Variants in GLI3 observed in about 807,000 individuals in gnomAD.
GLI3 encodes transcription activator GLI3.
GLI3 carries 20 observed loss-of-function variants against 100.8 expected under a neutral mutation model. The observed-to-expected ratio is 0.20, with a 90% CI of 0.14 to 0.29. The LOEUF is 0.29. Among genes scored for constraint, GLI3 ranks in the 10% least tolerant of loss-of-function variants. The pLI is 1.00. For missense variants in GLI3, 2,040 were observed against 2,128.5 expected, an observed-to-expected ratio of 0.96 and a Z score of 0.82; for synonymous variants, 938 against 860.5, an observed-to-expected ratio of 1.09 and a Z score of -1.58.
At chr7:42,076,660 GC>G (rs1784884026) in intron 4 of GLI3, 91 bp downstream of exon 4, 1 of 820,686 alleles carries the variant, frequency 1.2e-6, no homozygotes, top group African/African-American at 1.7e-5. Context: ...CATCTTCAAA[GC>G]CCAGTGGACA....
chr7:42,038,397 A>G (rs1583499566), intron 7 of GLI3, among the ~76,000 whole-genome samples: 1 of 152,246 alleles, frequency 6.6e-6, no homozygotes, highest in Admixed American at 6.5e-5. Context: ...CAGCTTTAGT[A>G]AAATGTGCAT....
chr7:42,222,902 T>A (rs1024434804), intron 2 of GLI3: 8 of 522,542 alleles, frequency 1.5e-5, no homozygotes, highest in Non-Finnish European at 2.1e-5. Flanking sequence ...CCTATCACAT[T>A]TACATCTCAA....
intron 1 of GLI3, among the ~76,000 whole-genome samples, chr7:42,232,706 G>C (rs184181591): frequency 1.3e-5 from 2 of 152,326 alleles, no homozygotes; most frequent in Admixed American, 6.5e-5. Flanking sequence ...ATATATGAGA[G>C]TACAACTATA....
intron 10 of GLI3, among the ~76,000 whole-genome samples, chr7:41,996,807 G>C (rs190799173): frequency 3.5e-4 from 54 of 152,238 alleles, no homozygotes; most frequent in African/African-American, 1.2e-3. Flanking sequence ...TTTTATGCAT[G>C]CTTGGGGGAA....
chr7:42,050,219 C>G (rs1338695590), intron 4 of GLI3, among the ~76,000 whole-genome samples: 1 of 152,058 alleles, frequency 6.6e-6, no homozygotes, highest in Non-Finnish European at 1.5e-5. Flanking sequence ...TTAGATGCTA[C>G]TTTGGGAAAG....
At chr7:41,974,386 A>G (rs546758833) in intron 12 of GLI3, among the ~76,000 whole-genome samples, 71 of 152,322 alleles carry the variant, frequency 4.7e-4, no homozygotes, top group African/African-American at 1.6e-3. Flanking sequence ...TAACATAAAC[A>G]AAATATATTA....
At chr7:42,131,212 T>C (rs1410461791) in intron 3 of GLI3, among the ~76,000 whole-genome samples, 1 of 152,170 alleles carries the variant, frequency 6.6e-6, no homozygotes, top group African/African-American at 2.4e-5. Context: ...CACAAAGGGA[T>C]GTCTAGAGAT....
intron 2 of GLI3, among the ~76,000 whole-genome samples, chr7:42,149,764 C>T (rs1444113817): frequency 6.6e-6 from 1 of 152,142 alleles, no homozygotes; most frequent in Non-Finnish European, 1.5e-5. Flanking sequence ...AATTTATCTT[C>T]AAAATAATCC....
intron 6 of GLI3, among the ~76,000 whole-genome samples, chr7:42,042,347 T>C (rs1489021661): frequency 6.6e-6 from 1 of 152,192 alleles, no homozygotes; most frequent in African/African-American, 2.4e-5. Flanking sequence ...ATCAGCATCT[T>C]ACTTTTATAA....
At chr7:42,253,183 G>A (rs1789051132) in intron 1 of GLI3, among the ~76,000 whole-genome samples, 1 of 152,208 alleles carries the variant, frequency 6.6e-6, no homozygotes, top group South Asian at 2.1e-4. Flanking sequence ...TGTGAAGAAA[G>A]AGTTTCCTGC....
intron 2 of GLI3, among the ~76,000 whole-genome samples, chr7:42,210,315 C>T (rs1337498763): frequency 6.7e-6 from 1 of 149,250 alleles, no homozygotes. Context: ...CATATAATCC[C>T]TCACTTCTAT....
At chr7:41,983,843 T>A in intron 10 of GLI3, among the ~76,000 whole-genome samples, 1 of 152,174 alleles carries the variant, frequency 6.6e-6, no homozygotes, top group Non-Finnish European at 1.5e-5. Flanking sequence ...AGTTTTCCAA[T>A]TGGGGCTCCA....
chr7:42,220,246 A>G (rs1164453154), intron 2 of GLI3, among the ~76,000 whole-genome samples: 1 of 152,244 alleles, frequency 6.6e-6, no homozygotes, highest in Non-Finnish European at 1.5e-5. Flanking sequence ...AACAGTAGCA[A>G]TCAAACTACC....
At chr7:42,150,481 C>T (rs1786828683) in intron 2 of GLI3, among the ~76,000 whole-genome samples, 1 of 152,146 alleles carries the variant, frequency 6.6e-6, no homozygotes, top group Non-Finnish European at 1.5e-5. Flanking sequence ...CTACAAATGG[C>T]CCAAGTCATA....
intron 7 of GLI3, 136 bp from the exon 8 acceptor site, chr7:42,026,548 C>T: frequency 2.7e-6 from 2 of 737,814 alleles, no homozygotes; most frequent in Non-Finnish European, 4.8e-6. Context: ...AGGATTATTG[C>T]CAAGCATCTT....
chr7:41,994,218 T>C (rs928375292), intron 10 of GLI3, among the ~76,000 whole-genome samples: 1 of 152,220 alleles, frequency 6.6e-6, no homozygotes, highest in African/African-American at 2.4e-5. Flanking sequence ...AGCTGCACTC[T>C]ATCTCACTGG....
chr7:42,155,376 T>C (rs1583605768), intron 2 of GLI3, among the ~76,000 whole-genome samples: 1 of 151,220 alleles, frequency 6.6e-6, no homozygotes, highest in Non-Finnish European at 1.5e-5. Flanking sequence ...GAGGCGGAGG[T>C]TGCAGTGAGC....
chr7:42,160,092 A>G (rs1374827166), intron 2 of GLI3, among the ~76,000 whole-genome samples: 1 of 152,228 alleles, frequency 6.6e-6, no homozygotes, highest in Non-Finnish European at 1.5e-5. Flanking sequence ...AAAGGCAGAT[A>G]GTAAAACTTG....
chr7:41,964,810 G>C lies in GLI3; in HGVS notation c.4263C>G (p.Ile1421Met). 6.2e-7 allele frequency: 1 copy of C among 1,613,964 alleles called. No homozygotes were observed. The highest frequency in any genetic ancestry group is 8.5e-7 in the Non-Finnish European group (1 of 1,179,988). Residue 1421 changes from isoleucine (I) to methionine (M), a missense_variant, in exon 15 of 15, where the codon ATC becomes ATG. Around this residue, in one of 5 missense-constraint regions of GLI3, gnomAD observed 1,041 missense variants for 924.0 expected, o/e 1.13. Coordinates refer to ENST00000395925, the MANE Select transcript of GLI3 (RefSeq NM_000168.6). The stretch of plus-strand genomic sequence containing the variant: ...GGGGCTGCCCTTTCATCTCCATCTT[G>C]ATACCATTCACCCTGCAGGTCTGAC... ...DTSQTCRVNG[I>M]KMEMKGQPHP...
Sources: gnomAD v4.1 joint callset for allele counts (sites outside exome capture counted in the v4.1 genomes callset) on GRCh38, gnomAD v4.1.1 for gene constraint, gnomAD v4.1.1 regional missense constraint, MANE v1.5 for transcripts, NCBI Gene and HGNC (gene_info 2026-07-23, HGNC 2026-07-21) for gene names.